The following PPP1CB variants were observed in gnomAD, a reference collection of about 807,000 sequenced individuals.
PPP1CB encodes serine/threonine-protein phosphatase PP1-beta catalytic subunit.
In PPP1CB, 2 loss-of-function variants were observed where a neutral mutation model predicts 43.7. The ratio of observed to expected loss-of-function variants is 0.05; its 90% CI spans 0.02 to 0.14. PPP1CB has a LOEUF of 0.14. Among genes scored for constraint, PPP1CB ranks in the 10% least tolerant of loss-of-function variants. The probability of loss-of-function intolerance (pLI) is 1.00; values close to 1 mark genes in which losing one functional copy is unlikely to be tolerated. For synonymous variants in PPP1CB, 136 were observed against 135.6 expected, an observed-to-expected ratio of 1.00 and a Z score of -0.02; for missense variants, 84 against 398.0, an observed-to-expected ratio of 0.21 and a Z score of 6.71.
At chr2:28,778,541 G>A (rs573128526) in intron 2 of PPP1CB, 20 of 494,790 alleles carry the variant, frequency 4.0e-5, no homozygotes, top group African/African-American at 2.5e-4. Flanking sequence ...TCTTTGCTAC[G>A]TGGGATGCTT....
intron 1 of PPP1CB, among the ~76,000 whole-genome samples, chr2:28,752,635 G>C (rs1666346104): frequency 6.6e-6 from 1 of 152,214 alleles, no homozygotes; most frequent in Non-Finnish European, 1.5e-5. Flanking sequence ...TTCCGGGAGT[G>C]AATTTTACGT....
At chr2:28,759,561 T>C (rs1029973949) in intron 1 of PPP1CB, among the ~76,000 whole-genome samples, 8 of 148,766 alleles carry the variant, frequency 5.4e-5, no homozygotes, top group African/African-American at 2.0e-4. Context: ...AACACAATTA[T>C]ATAGAGTACA....
At chr2:28,754,630 C>T (rs1666440244) in intron 1 of PPP1CB, among the ~76,000 whole-genome samples, 1 of 152,192 alleles carries the variant, frequency 6.6e-6, no homozygotes, top group South Asian at 2.1e-4. Flanking sequence ...TTTTTCAGCT[C>T]CTTCCCAGAT....
chr2:28,769,461 C>A (rs1037759214), intron 1 of PPP1CB, among the ~76,000 whole-genome samples: 1 of 152,148 alleles, frequency 6.6e-6, no homozygotes, highest in Admixed American at 6.5e-5. Flanking sequence ...GTCTAGAATT[C>A]TAAATCTAGA....
chr2:28,771,754 G>C (rs1479216379), intron 1 of PPP1CB, among the ~76,000 whole-genome samples: 1 of 152,102 alleles, frequency 6.6e-6, no homozygotes, highest in African/African-American at 2.4e-5. Flanking sequence ...AATGAAGTGG[G>C]CTAAAACAAT....
chr2:28,760,267 A>T (rs1048652534), intron 1 of PPP1CB, among the ~76,000 whole-genome samples: 20 of 152,270 alleles, frequency 1.3e-4, no homozygotes, highest in African/African-American at 4.6e-4. Flanking sequence ...GTTACTAGAA[A>T]ATTCAAAATG....
intron 1 of PPP1CB, among the ~76,000 whole-genome samples, chr2:28,768,636 G>A (rs902630093): frequency 6.6e-6 from 1 of 152,126 alleles, no homozygotes; most frequent in East Asian, 1.9e-4. Context: ...AAACAGACCA[G>A]CCCTCAGGAA....
chr2:28,794,005 G>A lies in PPP1CB; in HGVS notation c.879+8G>A, dbSNP rs747468547. The stretch of plus-strand genomic sequence containing the variant: ...TTGATGTGTTCATTTCAGGTATGAT[G>A]TAAACATAAATATATAAGAACTAGA... On this transcript the variant is annotated splice_region_variant and intron_variant, in intron 7 of 7. Coordinates refer to ENST00000395366, the MANE Select transcript of PPP1CB (RefSeq NM_002709.3). 3.1e-6 allele frequency: 5 copies of A among 1,600,840 alleles called. No homozygotes were observed. In the East Asian group the frequency reaches 8.9e-5, roughly 29 times the overall value.
rs2148053338 is a variant in PPP1CB at position 28,783,935 on chromosome 2, G to A, written c.549G>A (p.Glu183=). The change falls in exon 5 of 8, where the codon GAG becomes GAA. Residue 183 remains glutamate (E), a synonymous_variant. Coordinates refer to ENST00000395366, the MANE Select transcript of PPP1CB (RefSeq NM_002709.3). The part of the protein sequence containing the change: ...GGLSPDLQSM[E]QIRRIMRPTD... ...TGTCACCAGACCTGCAATCTATGGAGCAGATTCGGAGAATTATGAGACCTA... is the reference window on the plus strand; with the variant it reads ...TGTCACCAGACCTGCAATCTATGGAACAGATTCGGAGAATTATGAGACCTA... The A allele has an allele frequency of 6.2e-7, 1 of 1,612,862 alleles. No homozygotes were observed. The highest frequency in any genetic ancestry group is 2.2e-5 in the East Asian group (1 of 44,820).
Position 28,776,929 on chromosome 2 carries a change from T to C in PPP1CB, c.131T>C (p.Ile44Thr), listed in dbSNP as rs1317594310. 2.5e-6 allele frequency: 4 copies of C among 1,613,732 alleles called. No individual in the cohort carries two copies. The highest frequency in any genetic ancestry group is 3.4e-6 in the Non-Finnish European group (4 of 1,179,684). Residue 44 changes from isoleucine (I) to threonine (T), a missense_variant, in exon 2 of 8, where the codon ATC (isoleucine) becomes ACC (threonine). Physicochemically the swap from Ile to Thr is moderately conservative, Grantham distance 89. Transcript: ENST00000395366. ...GGCTTATGTATCAAGTCTCGGGAGA[T>C]CTTTCTCAGCCAGCCTATTCTTTTG... ...VRGLCIKSRE[I>T]FLSQPILLEL... is the part of the protein sequence containing the mutation.
At chr2:28,764,493 G>A (rs1023218349) in intron 1 of PPP1CB, among the ~76,000 whole-genome samples, 1 of 151,424 alleles carries the variant, frequency 6.6e-6, no homozygotes, top group Non-Finnish European at 1.5e-5. Flanking sequence ...CCACATTTTA[G>A]CCAATTGTAG....
intron 1 of PPP1CB, among the ~76,000 whole-genome samples, chr2:28,763,449 TG>T (rs1322135301): frequency 9.1e-6 from 1 of 110,094 alleles, no homozygotes; most frequent in Admixed American, 8.2e-5. Context: ...GTCAGTGCAG[TG>T]GAAAAAAAAA....
At chr2:28,786,849 A>G (rs1421991013) in intron 5 of PPP1CB, among the ~76,000 whole-genome samples, 1 of 151,856 alleles carries the variant, frequency 6.6e-6, no homozygotes, top group Non-Finnish European at 1.5e-5. Context: ...GCTGGAAAGT[A>G]TGAAAGCATT....
intron 1 of PPP1CB, among the ~76,000 whole-genome samples, chr2:28,760,548 A>G (rs1476655356): frequency 1.3e-5 from 2 of 152,210 alleles, no homozygotes; most frequent in African/African-American, 4.8e-5. Flanking sequence ...TGTTTGCACA[A>G]CAACAAAATC....
chr2:28,787,651 A>G (rs2045886), intron 5 of PPP1CB, among the ~76,000 whole-genome samples: 62,599 of 152,024 alleles, frequency 0.41, 13,799 homozygotes, highest in Middle Eastern at 0.51. Context: ...TCTTCGTCCT[A>G]CTGCCCTTGT....
intron 6 of PPP1CB, among the ~76,000 whole-genome samples, chr2:28,790,994 A>G (rs1011555216): frequency 2.6e-5 from 4 of 152,246 alleles, no homozygotes; most frequent in Non-Finnish European, 5.9e-5. Context: ...GGAAGGGATT[A>G]CAACTTGTTT....
chr2:28,786,035 AAATTT>A (rs540167834), intron 5 of PPP1CB, among the ~76,000 whole-genome samples: 354 of 152,296 alleles, frequency 2.3e-3, no homozygotes, highest in Middle Eastern at 0.017. Flanking sequence ...CAACATTCAG[AAATTT>A]AATTTATAAG....
Position 28,800,892 on chromosome 2 carries a change from ATTGTATTACT to A in PPP1CB, c.*1591_*1600del. 1 of 152,562 alleles carries A rather than the reference ATTGTATTACT, an allele frequency of 6.6e-6. No individual in the cohort carries two copies. The highest frequency in any genetic ancestry group is 6.6e-5 in the Admixed American group (1 of 15,264). The allele number at this position is 152,562 out of a possible 1,614,324, so 9.5% of individuals were successfully genotyped here. A position where few individuals can be genotyped will look rare whatever the true frequency, so the allele number is the denominator to read the frequency against. ...TAACTTACATTTTATGAATTGGCACATTGTATTACTTACTGCAAGAGATATTTCATTTTCA... is the reference window on the plus strand; with the variant it reads ...TAACTTACATTTTATGAATTGGCACATACTGCAAGAGATATTTCATTTTCA... On this transcript the variant is annotated 3_prime_UTR_variant, in exon 8 of 8. Transcript: ENST00000395366.
At chr2:28,785,064 G>GTTTTTTTTTTTTTTT (rs1558307639) in intron 5 of PPP1CB, among the ~76,000 whole-genome samples, 1 of 93,798 alleles carries the variant, frequency 1.1e-5, no homozygotes, top group African/African-American at 4.1e-5. Context: ...TGTGTTAGGA[G>GTTTTTTTTTTTTTTT]CTTTTTTTTT....
Sources: gnomAD v4.1 joint callset for allele counts (sites outside exome capture counted in the v4.1 genomes callset) on GRCh38, gnomAD v4.1.1 for gene constraint, MANE v1.5 for transcripts, NCBI Gene and HGNC (gene_info 2026-07-23, HGNC 2026-07-21) for gene names.